The following REV3L variants were observed in gnomAD, a reference collection of about 807,000 sequenced individuals.
REV3L encodes the protein DNA polymerase zeta catalytic subunit.
A neutral mutation model predicts 299.4 loss-of-function variants in REV3L; 69 were observed. The ratio of observed to expected loss-of-function variants is 0.23; its 90% CI spans 0.19 to 0.28. REV3L has a LOEUF of 0.28. Among genes scored for constraint, REV3L ranks in the 10% least tolerant of loss-of-function variants. The probability of loss-of-function intolerance (pLI) is 1.00; values close to 1 mark genes in which losing one functional copy is unlikely to be tolerated. For missense variants in REV3L, 3,128 were observed against 3,693.8 expected, an observed-to-expected ratio of 0.85 and a Z score of 3.97; for synonymous variants, 1,238 against 1,271.4, an observed-to-expected ratio of 0.97 and a Z score of 0.56.
In REV3L at chr6:111,388,045, A is replaced by G; in HGVS notation, c.903T>C (p.Phe301=). 1 of 1,613,004 alleles carries G rather than the reference A, an allele frequency of 6.2e-7. No homozygotes were observed. The highest frequency in any genetic ancestry group is 1.7e-5 in the Admixed American group (1 of 59,968). The part of the protein sequence containing the change: ...FVPATESEKK[F]QKRLQEILKQ... ...TGAGAATTTCCTGAAGTCTCTTCTG[A>G]AATTTTTTTTCACTTTCTGTTGCTG... Residue 301 remains phenylalanine, a synonymous_variant, in exon 8 of 32, where the codon TTT becomes TTC. Coordinates refer to ENST00000368802, the MANE Select transcript of REV3L (RefSeq NM_001372078.1).
In REV3L at chr6:111,375,990, G is replaced by GGCTT. The variant is rs771417306; in HGVS notation, c.2361_2364dup (p.Leu789LysfsTer19). 1 of 1,613,856 alleles carries GGCTT rather than the reference G, an allele frequency of 6.2e-7. No individual in the cohort carries two copies. Among genetic ancestry groups the GGCTT allele is most frequent in the Non-Finnish European group, 8.5e-7 (1 of 1,179,880 alleles). On this transcript the variant is annotated frameshift_variant, in exon 13 of 32. Transcript: ENST00000368802. LOFTEE classifies it high-confidence loss of function. Reference sequence around the variant, plus strand: ...ATATAGTGTGCTGCTTGCTGGCTGAGGCTTGGCTTTTCTGTTTTATGTTCT... The same window carrying GGCTT: ...ATATAGTGTGCTGCTTGCTGGCTGAGGCTTGCTTGGCTTTTCTGTTTTATGTTCT...
intron 1 of REV3L, among the ~76,000 whole-genome samples, chr6:111,432,429 GACTATCAAGACTGT>G (rs1436544663): frequency 3.3e-5 from 5 of 152,152 alleles, no homozygotes; most frequent in Non-Finnish European, 5.9e-5. Flanking sequence ...AGATAAAACA[GACTATCAAGACTGT>G]AAAAAGAAAC....
At chr6:111,311,421 GTTAT>G in intron 28 of REV3L, 162 bp from the exon 29 acceptor site, 1 of 470,022 alleles carries the variant, frequency 2.1e-6, no homozygotes, top group Non-Finnish European at 3.6e-6. Flanking sequence ...AAAATTGAAA[GTTAT>G]TTGAGACTTT....
intron 14 of REV3L, among the ~76,000 whole-genome samples, chr6:111,366,692 G>T (rs991362673): frequency 6.6e-6 from 1 of 152,172 alleles, no homozygotes; most frequent in African/African-American, 2.4e-5. Flanking sequence ...GCTGAGAAAT[G>T]AGTAGGAGGT....
intron 16 of REV3L, among the ~76,000 whole-genome samples, chr6:111,359,951 A>T (rs1034948036): frequency 6.6e-6 from 1 of 152,222 alleles, no homozygotes; most frequent in African/African-American, 2.4e-5. Flanking sequence ...GTAAATCTCT[A>T]TCAAAATTAA....
intron 1 of REV3L, among the ~76,000 whole-genome samples, chr6:111,447,636 A>C (rs765692139): frequency 2.0e-5 from 3 of 152,186 alleles, no homozygotes; most frequent in Non-Finnish European, 4.4e-5. Flanking sequence ...CTTTGGTGCA[A>C]CTACCTCCTG....
chr6:111,422,587 T>G (rs1199205699), intron 1 of REV3L, among the ~76,000 whole-genome samples: 3 of 33,206 alleles, frequency 9.0e-5, no homozygotes, highest in Non-Finnish European at 2.5e-4. Flanking sequence ...CACATATATA[T>G]ATATATACAC....
chr6:111,349,491 T>C (rs1777370850), intron 19 of REV3L, among the ~76,000 whole-genome samples, 155 bp from the exon 20 acceptor site: 1 of 152,186 alleles, frequency 6.6e-6, no homozygotes, highest in African/African-American at 2.4e-5. Flanking sequence ...AAATATAACC[T>C]GAAGTCTCTC....
intron 1 of REV3L, among the ~76,000 whole-genome samples, chr6:111,459,268 T>C (rs1219213610): frequency 6.6e-6 from 1 of 152,074 alleles, no homozygotes; most frequent in Non-Finnish European, 1.5e-5. Context: ...TATCACCATA[T>C]ACAAAAATTA....
chr6:111,406,205 ATGAT>A (rs1295711060), intron 3 of REV3L, among the ~76,000 whole-genome samples: 1 of 152,196 alleles, frequency 6.6e-6, no homozygotes, highest in Non-Finnish European at 1.5e-5. Context: ...AAGAGACTAA[ATGAT>A]GAACTAGAGG....
chr6:111,331,108 ATCT>A (rs1455152458), intron 24 of REV3L: 21 of 674,366 alleles, frequency 3.1e-5, no homozygotes, highest in African/African-American at 3.9e-5. Flanking sequence ...AGGCAATATA[ATCT>A]TCTTTTAAGA....
upstream of REV3L, chr6:111,483,241 G>A (rs996513425): frequency 1.4e-5 from 7 of 485,086 alleles, no homozygotes; most frequent in African/African-American, 1.0e-4. Context: ...TGGGGGGAGG[G>A]GAGAGGGGGG....
chr6:111,369,383 AT>A (rs1220581883), intron 13 of REV3L, among the ~76,000 whole-genome samples: 7 of 151,996 alleles, frequency 4.6e-5, no homozygotes, highest in Admixed American at 4.6e-4. Flanking sequence ...GGGAAAAAAA[AT>A]CTCCTAATAT....
chr6:111,416,553 T>C (rs1784784661), intron 1 of REV3L, 81 bp from the exon 2 acceptor site: 3 of 1,157,752 alleles, frequency 2.6e-6, no homozygotes, highest in South Asian at 3.1e-5. Flanking sequence ...CATTTAAATG[T>C]TCTAATGGCA....
At chr6:111,457,539 C>G (rs770526990) in intron 1 of REV3L, among the ~76,000 whole-genome samples, 3 of 151,504 alleles carry the variant, frequency 2.0e-5, no homozygotes, top group Admixed American at 6.6e-5. Context: ...TGCCAAGAAG[C>G]CTATGTCTCT....
At chr6:111,365,731 C>CA (rs1418276189) in intron 14 of REV3L, among the ~76,000 whole-genome samples, 1 of 152,030 alleles carries the variant, frequency 6.6e-6, no homozygotes, top group Non-Finnish European at 1.5e-5. Context: ...ATTATAACTG[C>CA]ACTAATACAA....
At chr6:111,411,657 C>T (rs535107212) in intron 2 of REV3L, 103 bp from the exon 3 acceptor site, 14 of 743,648 alleles carry the variant, frequency 1.9e-5, no homozygotes, top group Admixed American at 5.8e-5. Context: ...TTCAGTCTTA[C>T]GTTTAATATT....
intron 2 of REV3L, among the ~76,000 whole-genome samples, chr6:111,412,729 TAAGCCA>T (rs1784373123): frequency 6.6e-6 from 1 of 151,026 alleles, no homozygotes; most frequent in Non-Finnish European, 1.5e-5. Context: ...TTAGTTGTTT[TAAGCCA>T]TCTGTATTAT....
At chr6:111,419,700 T>C (rs891020548) in intron 1 of REV3L, among the ~76,000 whole-genome samples, 4 of 152,240 alleles carry the variant, frequency 2.6e-5, no homozygotes, top group Non-Finnish European at 5.9e-5. Context: ...ATCTAGTTAG[T>C]GGTCTAATTA....
Sources: allele counts gnomAD v4.1 joint callset (sites outside exome capture counted in the v4.1 genomes callset), GRCh38; gene constraint gnomAD v4.1.1; transcripts MANE v1.5; gene names NCBI Gene and HGNC (gene_info 2026-07-23, HGNC 2026-07-21).